Variants in ACBD6 observed in about 807,000 individuals in gnomAD.
ACBD6 encodes the protein acyl-CoA-binding domain-containing protein 6.
Under a neutral mutation model 37.2 loss-of-function variants are expected in ACBD6, and 28 were observed. The ratio of observed to expected loss-of-function variants is 0.75; its 90% CI spans 0.56 to 1.03. The LOEUF (loss-of-function observed/expected upper bound fraction) is 1.03. ACBD6 is among the 50% of genes least tolerant of loss of function. The probability of loss-of-function intolerance (pLI) is 0.00; values close to 1 mark genes in which losing one functional copy is unlikely to be tolerated. For missense variants in ACBD6, 340 were observed against 337.4 expected, an observed-to-expected ratio of 1.01 and a Z score of -0.06; for synonymous variants, 113 against 126.8, an observed-to-expected ratio of 0.89 and a Z score of 0.73.
At chr1:180,425,781 C>T (rs1648558917) in intron 4 of ACBD6, among the ~76,000 whole-genome samples, 1 of 152,122 alleles carries the variant, frequency 6.6e-6, no homozygotes, top group Non-Finnish European at 1.5e-5. Flanking sequence ...ATATCTCTTT[C>T]AGGAAAATTT....
At chr1:180,353,431 G>A (rs962750951) in intron 6 of ACBD6, among the ~76,000 whole-genome samples, 6 of 152,094 alleles carry the variant, frequency 3.9e-5, no homozygotes, top group South Asian at 2.1e-4. Context: ...GCATTTCATA[G>A]AAGACAACTG....
At chr1:180,395,451 C>A (rs976894692) in intron 6 of ACBD6, among the ~76,000 whole-genome samples, 2 of 152,136 alleles carry the variant, frequency 1.3e-5, no homozygotes, top group African/African-American at 4.8e-5. Context: ...TTTATGGTAA[C>A]ACCAGTGTTG....
rs553831384 is a variant in ACBD6, at chr1:180,283,002, T to C, written c.*94-1616A>G. The stretch of plus-strand genomic sequence containing the variant: ...TTTTTTTTTTTTTTTTTGGAAGGGT[T>C]CCAAACTCACAAACGGAGCTAAAGT... On this transcript the variant is annotated intron_variant, in intron 8 of 13. Coordinates refer to the ACBD6 transcript ENST00000642319. 3.0e-5 allele frequency among the ~76,000 whole-genome samples: 4 copies of C among 131,490 alleles called. No individual in the cohort carries two copies. In the South Asian group the frequency reaches 1.0e-3, roughly 33 times the overall value. 86.3% of individuals were successfully genotyped at this position (131,490 alleles called of 152,430 possible).
intron 5 of ACBD6, among the ~76,000 whole-genome samples, chr1:180,410,496 T>C (rs1034877576): frequency 6.6e-6 from 1 of 152,194 alleles, no homozygotes; most frequent in Non-Finnish European, 1.5e-5. Context: ...CTGAAACCAA[T>C]GCTCATTTAC....
chr1:180,474,077 T>C (rs1344840815), intron 3 of ACBD6, among the ~76,000 whole-genome samples: 3 of 152,184 alleles, frequency 2.0e-5, no homozygotes, highest in African/African-American at 7.2e-5. Context: ...AAAGTAGTAT[T>C]TCAAAATACT....
In ACBD6 at chr1:180,500,531, A is replaced by G. The variant is rs118005630; in HGVS notation, c.222+1514T>C. Among the ~76,000 whole-genome samples the G allele has an allele frequency of 9.6e-4, 145 of 151,740 alleles. 1 individual carries two copies. The East Asian group carries it at 0.025, about 26-fold the overall frequency. ...AACATGATGAAACCCCGTCTCTTCTAAAAATACAAGAAATTAGTTGGGCAT... is the reference window on the plus strand; with the variant it reads ...AACATGATGAAACCCCGTCTCTTCTGAAAATACAAGAAATTAGTTGGGCAT... On this transcript the variant is annotated intron_variant, in intron 1 of 7. Transcript: ENST00000367595.
chr1:180,493,776 C>G (rs947627601), intron 2 of ACBD6, among the ~76,000 whole-genome samples: 2 of 152,160 alleles, frequency 1.3e-5, no homozygotes, highest in African/African-American at 4.8e-5. Flanking sequence ...GATCCACACA[C>G]AGCATTGAGT....
At chr1:180,356,337 A>AT (rs1468979468) in intron 6 of ACBD6, among the ~76,000 whole-genome samples, 1 of 150,626 alleles carries the variant, frequency 6.6e-6, no homozygotes, top group African/African-American at 2.4e-5. Context: ...ATGCCCAGCT[A>AT]TTTTTTGTAC....
At chr1:180,477,509 C>CA (rs1442014490) in intron 3 of ACBD6, among the ~76,000 whole-genome samples, 1 of 151,914 alleles carries the variant, frequency 6.6e-6, no homozygotes, top group Non-Finnish European at 1.5e-5. Context: ...AAATTTGGCC[C>CA]AAAATATAAT....
intron 6 of ACBD6, among the ~76,000 whole-genome samples, chr1:180,352,038 C>T (rs1558262305): frequency 1.3e-5 from 2 of 152,050 alleles, no homozygotes; most frequent in Admixed American, 6.5e-5. Flanking sequence ...TAAAATAAGC[C>T]AGACACAAAA....
chr1:180,292,134 A>G (rs1169722648), intron 7 of ACBD6, among the ~76,000 whole-genome samples: 1 of 152,150 alleles, frequency 6.6e-6, no homozygotes, highest in Non-Finnish European at 1.5e-5. Context: ...ATTCTTTTTC[A>G]AAGTTGTTTT....
rs767884197 is a variant in ACBD6 at position 180,502,283 on chromosome 1, C to A, written c.-17G>T. On this transcript the variant is annotated 5_prime_UTR_variant, in exon 1 of 8. Transcript: ENST00000367595. ...TGAAGCCATGTCTCCTTGCTCGCTC[C>A]GTCCCTCTGTGTCCGGTCTGTCCTC... The A allele has an allele frequency of 2.5e-6, 4 of 1,611,586 alleles. No individual in the cohort carries two copies. In the Admixed American group the frequency reaches 6.7e-5, roughly 27 times the overall value.
intron 5 of ACBD6, 126 bp from the exon 6 acceptor site, chr1:180,397,731 T>TA (rs1654316358): frequency 4.8e-6 from 4 of 841,406 alleles, no homozygotes; most frequent in Non-Finnish European, 7.9e-6. Context: ...ATGATTGATA[T>TA]AAAAAATGCA....
chr1:180,344,402 C>T (rs6669304), intron 6 of ACBD6, among the ~76,000 whole-genome samples: 145,425 of 152,322 alleles, frequency 0.95, 69,489 homozygotes, highest in African/African-American at 0.99. Context: ...CAGCTATAAA[C>T]ACCCATGGTA....
intron 6 of ACBD6, among the ~76,000 whole-genome samples, chr1:180,323,120 A>C (rs955749206): frequency 2.6e-5 from 4 of 151,968 alleles, no homozygotes; most frequent in Non-Finnish European, 5.9e-5. Flanking sequence ...CTGGTCATTC[A>C]GGAGCATACT....
At chr1:180,480,213 G>C (rs116392494) in intron 3 of ACBD6, among the ~76,000 whole-genome samples, 3 of 152,092 alleles carry the variant, frequency 2.0e-5, no homozygotes. Flanking sequence ...AGTCACGTCC[G>C]AAGCAATGTG....
At chr1:180,432,686 A>T (rs1170018945) in intron 3 of ACBD6, among the ~76,000 whole-genome samples, 2 of 152,174 alleles carry the variant, frequency 1.3e-5, no homozygotes, top group Admixed American at 6.5e-5. Context: ...AACTAAGAAA[A>T]AAGAAGAGTC....
chr1:180,428,277 T>C (rs1486493221), intron 4 of ACBD6, among the ~76,000 whole-genome samples: 1 of 152,226 alleles, frequency 6.6e-6, no homozygotes, highest in Admixed American at 6.5e-5. Context: ...TTATTAAACA[T>C]ACTTTCATGA....
chr1:180,435,148 A>G (rs2102004194), intron 3 of ACBD6: 1 of 711,906 alleles, frequency 1.4e-6, no homozygotes, highest in Non-Finnish European at 2.6e-6. Context: ...GGGTACAAGC[A>G]GAAGCACATT....
Sources: gnomAD v4.1 joint callset for allele counts (sites outside exome capture counted in the v4.1 genomes callset) on GRCh38, gnomAD v4.1.1 for gene constraint, MANE v1.5 for transcripts, NCBI Gene and HGNC (gene_info 2026-07-23, HGNC 2026-07-21) for gene names.